LMX1B: variants seen among roughly 807,000 people sequenced by gnomAD.
The protein encoded by LMX1B is LIM homeobox transcription factor 1-beta.
LMX1B carries 12 observed loss-of-function variants against 51.4 expected under a neutral mutation model. The ratio of observed to expected loss-of-function variants is 0.23; its 90% CI spans 0.15 to 0.38. The LOEUF (loss-of-function observed/expected upper bound fraction) is 0.38, where lower values mean the gene tolerates loss of function less well. LMX1B is among the 10% of genes least tolerant of loss of function. LMX1B has a pLI of 1.00. For synonymous variants in LMX1B, 237 were observed against 235.4 expected, an observed-to-expected ratio of 1.01 and a Z score of -0.06; for missense variants, 445 against 571.1, an observed-to-expected ratio of 0.78 and a Z score of 2.25.
intron 3 of LMX1B, among the ~76,000 whole-genome samples, chr9:126,692,848 G>T (rs971666738): frequency 6.6e-6 from 1 of 152,238 alleles, no homozygotes; most frequent in African/African-American, 2.4e-5. Flanking sequence ...TGTCCGAGGC[G>T]CACCTGTGTG....
chr9:126,681,970 C>G (rs1046821983), intron 2 of LMX1B, among the ~76,000 whole-genome samples: 1 of 151,048 alleles, frequency 6.6e-6, no homozygotes, highest in Admixed American at 6.6e-5. Context: ...TCCCAGGGTC[C>G]CTATCTCATG....
chr9:126,692,828 G>T (rs917626945), intron 3 of LMX1B, among the ~76,000 whole-genome samples: 6 of 152,272 alleles, frequency 3.9e-5, no homozygotes, highest in Non-Finnish European at 7.3e-5. Context: ...GTGCATGCCT[G>T]TGCTGTGGTT....
At chr9:126,627,628 C>T (rs1381178550) in intron 2 of LMX1B, among the ~76,000 whole-genome samples, 1 of 152,060 alleles carries the variant, frequency 6.6e-6, no homozygotes, top group Non-Finnish European at 1.5e-5. Flanking sequence ...CAGTCCCAGG[C>T]CTCCCTGGCC....
At position 126,615,654 on chromosome 9, in the gene LMX1B, C is replaced by T; in HGVS notation, c.326+85C>T. On this transcript the variant is annotated intron_variant, in intron 2 of 7. Transcript: ENST00000373474. This position sits in a 1 kb window ranked among gnomAD's most constrained non-coding sequence, Gnocchi z 6.0. ...CTGCCGGGCCCGGCCCGCGCCCGCT[C>T]TGCCGCCGGCTCTGTGCGCGGCTGG... 2 of 1,306,498 alleles carry T rather than the reference C, an allele frequency of 1.5e-6. No homozygotes were observed. The highest frequency in any genetic ancestry group is 2.1e-6 in the Non-Finnish European group (2 of 947,726). 80.9% of individuals were successfully genotyped at this position (1,306,498 alleles called of 1,614,324 possible). A position where few individuals can be genotyped will look rare whatever the true frequency, so the allele number is the denominator to read the frequency against.
chr9:126,682,493 C>T lies in LMX1B; in HGVS notation c.327-8343C>T, dbSNP rs1201889394. On this transcript the variant is annotated intron_variant, in intron 2 of 7. Coordinates refer to ENST00000373474, the MANE Select transcript of LMX1B (RefSeq NM_001174147.2). ...TCCTTCCGCCTATGAGAATGTCCTC[C>T]ACGGGTAAGAAGGAACTGGGGGTGG... is the stretch of plus-strand genomic sequence containing the variant. Among the ~76,000 whole-genome samples the T allele has an allele frequency of 2.0e-5, 3 of 152,174 alleles. No individual in the cohort carries two copies. In the East Asian group the frequency reaches 5.8e-4, roughly 29 times the overall value.
At chr9:126,645,913 A>T (rs2118891518) in intron 2 of LMX1B, among the ~76,000 whole-genome samples, 1 of 152,300 alleles carries the variant, frequency 6.6e-6, no homozygotes, top group South Asian at 2.1e-4. Context: ...TCAGGAAAAC[A>T]GCCCCACCGT....
chr9:126,644,174 C>A (rs974874433), intron 2 of LMX1B, among the ~76,000 whole-genome samples: 1 of 152,166 alleles, frequency 6.6e-6, no homozygotes, highest in African/African-American at 2.4e-5. Context: ...GTGTCCTGTG[C>A]CCCCACCGGG....
At chr9:126,687,594 T>C (rs2029950745) in intron 2 of LMX1B, among the ~76,000 whole-genome samples, 1 of 152,182 alleles carries the variant, frequency 6.6e-6, no homozygotes, top group Non-Finnish European at 1.5e-5. Context: ...TGCCTAAAGC[T>C]GCACAGCAAG....
At chr9:126,691,959 A>G (rs1345313941) in intron 3 of LMX1B, among the ~76,000 whole-genome samples, 2 of 152,210 alleles carry the variant, frequency 1.3e-5, no homozygotes, top group Non-Finnish European at 2.9e-5. Context: ...GTGAGCCTTA[A>G]GGAGGGAAAG....
rs1005988090 is a variant in LMX1B, at chr9:126,618,981, T to A, written c.326+3412T>A. Among the ~76,000 whole-genome samples, 1 of 151,690 alleles carries A rather than the reference T, an allele frequency of 6.6e-6. No homozygotes were observed. Among genetic ancestry groups the A allele is most frequent in the African/African-American group, 2.4e-5 (1 of 41,260 alleles). ...CTCGGCGGCGGGGCCGCGGCGTCCT[T>A]CCGCCCGCAGGGCCTGCCCGGGCGG... On this transcript the variant is annotated intron_variant, in intron 2 of 7. Coordinates refer to ENST00000373474, the MANE Select transcript of LMX1B (RefSeq NM_001174147.2). The surrounding 1 kb of genome is among the most constrained non-coding windows in gnomAD (Gnocchi z 4.5).
At chr9:126,674,062 C>T (rs1836509976) in intron 2 of LMX1B, among the ~76,000 whole-genome samples, 1 of 152,080 alleles carries the variant, frequency 6.6e-6, no homozygotes. Flanking sequence ...AGAAGGTAGC[C>T]AGAAGGTGGT....
chr9:126,695,806 A>G lies in LMX1B; in HGVS notation c.887-33A>G, dbSNP rs779860425. 28 of 1,610,308 alleles carry G rather than the reference A, an allele frequency of 1.7e-5. No individual in the cohort carries two copies. In the African/African-American group the frequency reaches 3.6e-4, roughly 21 times the overall value. ...GGGTGTAGCTGGGAGGGCGTGGACC[A>G]GGCCAGGGGGTGAAGGCTCACTGTG... On this transcript the variant is annotated intron_variant, in intron 6 of 7. Coordinates refer to ENST00000373474, the MANE Select transcript of LMX1B (RefSeq NM_001174147.2). This position sits in a 1 kb window ranked among gnomAD's most constrained non-coding sequence, Gnocchi z 5.2.
At chr9:126,623,579 T>TC (rs964825775) in intron 2 of LMX1B, among the ~76,000 whole-genome samples, 4 of 151,972 alleles carry the variant, frequency 2.6e-5, no homozygotes, top group South Asian at 4.2e-4. Context: ...GTAGCAGATT[T>TC]CCCCCCCAGG....
At chr9:126,642,833 T>C (rs1418256121) in intron 2 of LMX1B, among the ~76,000 whole-genome samples, 1 of 152,202 alleles carries the variant, frequency 6.6e-6, no homozygotes, top group East Asian at 1.9e-4. Flanking sequence ...GAAAATGGAC[T>C]GAAACCCCGT....
At chr9:126,685,914 G>A (rs115283731) in intron 2 of LMX1B, among the ~76,000 whole-genome samples, 1,528 of 152,218 alleles carry the variant, frequency 0.01, 30 homozygotes, top group African/African-American at 0.035. Context: ...GATAGGGCTG[G>A]GATTCCAAGC....
At chr9:126,638,737 A>G (rs957046627) in intron 2 of LMX1B, among the ~76,000 whole-genome samples, 1 of 151,044 alleles carries the variant, frequency 6.6e-6, no homozygotes, top group Non-Finnish European at 1.5e-5. Context: ...GCGCGCTCCG[A>G]TCTCTCCCGG....
At chr9:126,665,501 G>A (rs906775894) in intron 2 of LMX1B, among the ~76,000 whole-genome samples, 2 of 152,238 alleles carry the variant, frequency 1.3e-5, no homozygotes, top group African/African-American at 2.4e-5. Flanking sequence ...GGCGGCCACC[G>A]GCCAGCGGGG....
At chr9:126,674,544 C>T (rs1836519988) in intron 2 of LMX1B, among the ~76,000 whole-genome samples, 2 of 152,212 alleles carry the variant, frequency 1.3e-5, no homozygotes. Context: ...CAAAGATGAA[C>T]GGATGCTGTG....
rs552669428 is a variant in LMX1B at position 126,695,579 on chromosome 9, G to A, written c.887-260G>A. Reference sequence around the variant, plus strand: ...CACTATTGCCTGTGTGGGGTCTGCCGCCTCCCTGGATCCCCTGGAGGGGCG... The same window carrying A: ...CACTATTGCCTGTGTGGGGTCTGCCACCTCCCTGGATCCCCTGGAGGGGCG... On this transcript the variant is annotated intron_variant, in intron 6 of 7. Coordinates refer to ENST00000373474, the MANE Select transcript of LMX1B (RefSeq NM_001174147.2). This position sits in a 1 kb window ranked among gnomAD's most constrained non-coding sequence, Gnocchi z 5.2. 2.0e-5 allele frequency among the ~76,000 whole-genome samples: 3 copies of A among 152,186 alleles called. No homozygotes were observed. Among genetic ancestry groups the A allele is most frequent in the Admixed American group, 1.3e-4 (2 of 15,288 alleles).
Sources: gnomAD v4.1 joint callset for allele counts (sites outside exome capture counted in the v4.1 genomes callset) on GRCh38, gnomAD v4.1.1 for gene constraint, Gnocchi (gnomAD v3.1) non-coding constraint, MANE v1.5 for transcripts, NCBI Gene and HGNC (gene_info 2026-07-23, HGNC 2026-07-21) for gene names.